Variants in CSF2RA observed in about 807,000 individuals in gnomAD.
The protein encoded by CSF2RA is colony stimulating factor 2 receptor subunit alpha.
Under a neutral mutation model 51.6 loss-of-function variants are expected in CSF2RA, and 42 were observed. The observed-to-expected ratio is 0.81, with a 90% confidence interval of 0.64 to 1.05. The LOEUF is 1.05. CSF2RA is among the 50% of genes least tolerant of loss of function. The pLI, the probability that CSF2RA is intolerant of heterozygous loss-of-function variation, is 0.00. For missense variants in CSF2RA, 530 were observed against 501.1 expected (o/e 1.06, Z -0.55); for synonymous variants, 222 against 193.0 (o/e 1.15, Z -1.24).
the CSF2RA span, among the ~76,000 whole-genome samples, chrX:1,319,668 A>G: frequency 6.8e-6 from 1 of 146,596 alleles, no homozygotes; most frequent in Non-Finnish European, 1.5e-5. Context: ...CTCCTGCCTC[A>G]GCCTCCCAAA....
chrX:1,314,307 G>GCCTGCCTAACCGTACTGCA (rs2084341876), downstream of CSF2RA, among the ~76,000 whole-genome samples: 1 of 30,330 alleles, frequency 3.3e-5, no homozygotes, highest in African/African-American at 1.7e-4. Context: ...ACCACTCTGT[G>GCCTGCCTAACCGTACTGCA]CCTGCCCAAC....
intron 9 of CSF2RA, among the ~76,000 whole-genome samples, chrX:1,298,839 C>A (rs767492741): frequency 6.6e-6 from 1 of 152,108 alleles, no homozygotes; most frequent in African/African-American, 2.4e-5. Context: ...ACCTCACCTC[C>A]CCCTAGACCC....
At chrX:1,304,819 G>A (rs1191435266) in intron 11 of CSF2RA, among the ~76,000 whole-genome samples, 1 of 149,992 alleles carries the variant, frequency 6.7e-6, no homozygotes, top group African/African-American at 2.5e-5. Flanking sequence ...CATGCACCAC[G>A]ATGCTCACCT....
At chrX:1,276,443 G>T (rs1207579250) in intron 2 of CSF2RA, among the ~76,000 whole-genome samples, 1 of 151,764 alleles carries the variant, frequency 6.6e-6, no homozygotes, top group Non-Finnish European at 1.5e-5. Flanking sequence ...GCATGATCTT[G>T]GCTCACGGCA....
rs757727167 is a variant in CSF2RA, at chrX:1,300,530, C to A, written c.850C>A (p.Pro284Thr). ...SGDLENRYNF[P>T]SSEPRAKHSV... is the part of the protein sequence containing the mutation. ...TGATTTGGAAAATAGATACAACTTTCCAAGCTCTGAGCCCAGAGCAAAACA... is the reference window on the plus strand; with the variant it reads ...TGATTTGGAAAATAGATACAACTTTACAAGCTCTGAGCCCAGAGCAAAACA... The change falls in exon 10 of 13, where the codon CCA becomes ACA. Residue 284 changes from proline (P) to threonine (T), a missense_variant. Pro to Thr is a conservative substitution (Grantham distance 38). Coordinates refer to ENST00000381529, the MANE Select transcript of CSF2RA (RefSeq NM_172245.4). The A allele has an allele frequency of 6.2e-7, 1 of 1,613,924 alleles. No homozygotes were observed. The highest frequency in any genetic ancestry group is 1.1e-5 in the South Asian group (1 of 91,080).
chrX:1,292,965 G>A (rs1415114753), intron 7 of CSF2RA, among the ~76,000 whole-genome samples: 4 of 152,098 alleles, frequency 2.6e-5, no homozygotes, highest in African/African-American at 7.2e-5. Context: ...AGGTCCCTGC[G>A]GCTTTCCGCA....
intron 2 of CSF2RA, among the ~76,000 whole-genome samples, chrX:1,280,472 A>C (rs1361467620): frequency 1.3e-4 from 15 of 112,330 alleles, no homozygotes; most frequent in Non-Finnish European, 3.0e-4. Flanking sequence ...ACTCCGTCTC[A>C]AAAAAAAAAA....
At chrX:1,295,254 C>A (rs2091832393) in intron 8 of CSF2RA, among the ~76,000 whole-genome samples, 173 bp from the exon 9 acceptor site, 1 of 152,064 alleles carries the variant, frequency 6.6e-6, no homozygotes, top group Non-Finnish European at 1.5e-5. Flanking sequence ...GTTTGCAGCT[C>A]CTCATCCTAC....
chrX:1,316,364 T>C, the CSF2RA span, among the ~76,000 whole-genome samples: 1 of 152,110 alleles, frequency 6.6e-6, no homozygotes, highest in South Asian at 2.1e-4. Flanking sequence ...GGCTCCCTCC[T>C]GGAAGTTGGA....
chrX:1,293,315 T>A (rs1309212177), intron 7 of CSF2RA, among the ~76,000 whole-genome samples: 4 of 152,036 alleles, frequency 2.6e-5, no homozygotes, highest in African/African-American at 7.2e-5. Context: ...GCCTCCCGGG[T>A]TCACGCCATT....
the CSF2RA span, among the ~76,000 whole-genome samples, chrX:1,318,786 G>A: frequency 7.3e-5 from 11 of 150,460 alleles, no homozygotes; most frequent in South Asian, 1.1e-3. Context: ...GCATGGTGGC[G>A]GGCACCTGTA....
intron 7 of CSF2RA, among the ~76,000 whole-genome samples, chrX:1,290,805 G>A (rs1156966997): frequency 6.6e-6 from 1 of 152,124 alleles, no homozygotes; most frequent in Non-Finnish European, 1.5e-5. Flanking sequence ...ACGTTGCAAT[G>A]AGGTGAGATT....
intron 11 of CSF2RA, among the ~76,000 whole-genome samples, chrX:1,304,716 G>A (rs2083378473): frequency 1.3e-5 from 2 of 151,974 alleles, no homozygotes; most frequent in Admixed American, 1.3e-4. Flanking sequence ...CCAGGCTGGA[G>A]TGCAGTGTTG....
the CSF2RA span, among the ~76,000 whole-genome samples, chrX:1,323,157 TTA>T: frequency 7.2e-4 from 22 of 30,412 alleles, no homozygotes; most frequent in African/African-American, 3.0e-3. Context: ...TACATTACAA[TTA>T]TAAAATAAAA....
Position 1,290,567 on chromosome X carries a change from A to C in CSF2RA, c.646+58A>C, listed in dbSNP as rs1169971125. On this transcript the variant is annotated intron_variant, in intron 7 of 12. Transcript: ENST00000381529. ...TATAGGTGAAATGGAATTTGCCTTA[A>C]AATCTGTGTAACTGAGGCCACGTGC... 3.8e-6 allele frequency: 6 copies of C among 1,574,910 alleles called. No homozygotes were observed. In the East Asian group the frequency reaches 1.3e-4, roughly 35 times the overall value.
chrX:1,309,674 G>T lies in CSF2RA; in HGVS notation c.*195G>T, dbSNP rs137955191. On this transcript the variant is annotated 3_prime_UTR_variant, in exon 13 of 13. Transcript: ENST00000381529. ...GGCCAAGGCAGGCGGATCACCTGAG[G>T]TCAGGAGTTCAAGACCAGCCTGCCC... 10,742 of 1,281,034 alleles carry T rather than the reference G, an allele frequency of 8.4e-3. 58 individuals carry two copies. Among genetic ancestry groups the T allele is most frequent in the Middle Eastern group, 0.022 (92 of 4,234 alleles). 79.4% of individuals were successfully genotyped at this position (1,281,034 alleles called of 1,614,324 possible).
chrX:1,317,574 T>A, the CSF2RA span, among the ~76,000 whole-genome samples: 29 of 59,058 alleles, frequency 4.9e-4, no homozygotes, highest in East Asian at 6.2e-3. Context: ...TTTTATTTTA[T>A]TTTTTTTTTT....
At chrX:1,319,714 G>GTTTTTTT in the CSF2RA span, among the ~76,000 whole-genome samples, 1 of 121,316 alleles carries the variant, frequency 8.2e-6, no homozygotes, top group Non-Finnish European at 1.8e-5. Flanking sequence ...CGCCTTTGCT[G>GTTTTTTT]TTTTTTTTTT....
the CSF2RA span, among the ~76,000 whole-genome samples, chrX:1,316,400 T>C: frequency 6.6e-6 from 1 of 152,132 alleles, no homozygotes; most frequent in Admixed American, 6.6e-5. Context: ...TCCAAGACCC[T>C]CACCTTAAAT....
Sources: allele counts gnomAD v4.1 joint callset (sites outside exome capture counted in the v4.1 genomes callset), GRCh38; gene constraint gnomAD v4.1.1; transcripts MANE v1.5; gene names NCBI Gene and HGNC (gene_info 2026-07-23, HGNC 2026-07-21).